CDH18: variants seen among roughly 807,000 people sequenced by gnomAD.
CDH18 encodes cadherin-18.
A neutral mutation model predicts 67.9 loss-of-function variants in CDH18; 31 were observed. The observed-to-expected ratio is 0.46, with a 90% CI of 0.34 to 0.62. The LOEUF (loss-of-function observed/expected upper bound fraction) is 0.62, where lower values mean the gene tolerates loss of function less well. Ranked by LOEUF, CDH18 falls within the 20% of genes least tolerant of loss-of-function variation. CDH18 has a pLI of 0.01. For missense variants in CDH18, 890 were observed against 975.5 expected, an observed-to-expected ratio of 0.91 and a Z score of 1.17; for synonymous variants, 362 against 347.2, an observed-to-expected ratio of 1.04 and a Z score of -0.48.
chr5:19,827,937 G>A (rs970570424), intron 3 of CDH18, among the ~76,000 whole-genome samples: 1 of 152,056 alleles, frequency 6.6e-6, no homozygotes, highest in African/African-American at 2.4e-5. Flanking sequence ...TCCAGAAGTT[G>A]GTTCTTTGAA....
intron 8 of CDH18, among the ~76,000 whole-genome samples, chr5:19,564,509 T>C (rs1175589807): frequency 6.6e-6 from 1 of 152,060 alleles, no homozygotes; most frequent in Non-Finnish European, 1.5e-5. Context: ...CCAGTCCTGG[T>C]GGAATTCATG....
intron 1 of CDH18, among the ~76,000 whole-genome samples, chr5:20,371,255 T>C (rs1033441983): frequency 1.3e-5 from 2 of 152,104 alleles, no homozygotes; most frequent in African/African-American, 4.8e-5. Context: ...TGTTCAGTGG[T>C]TAGAAGAATT....
intron 1 of CDH18, among the ~76,000 whole-genome samples, chr5:20,438,407 A>T (rs1479941118): frequency 6.6e-6 from 1 of 151,240 alleles, no homozygotes; most frequent in Non-Finnish European, 1.5e-5. Flanking sequence ...AGAGATTGCT[A>T]CCTAATATTC....
intron 2 of CDH18, among the ~76,000 whole-genome samples, chr5:20,101,413 GTGAGCTTATAAACCTTCCAA>G (rs1239132142): frequency 2.0e-5 from 3 of 152,124 alleles, no homozygotes; most frequent in African/African-American, 7.2e-5. Flanking sequence ...TATCTTTTTA[GTGAGCTTATAAACCTTCCAA>G]TGAGACACAG....
chr5:20,471,961 G>GTT (rs1752121192), intron 1 of CDH18, among the ~76,000 whole-genome samples: 2 of 22 alleles, frequency 0.091, no homozygotes, highest in Non-Finnish European at 0.12. Flanking sequence ...TGTCTAACTT[G>GTT]GCTTCTCTGC....
intron 2 of CDH18, among the ~76,000 whole-genome samples, chr5:19,874,020 A>G (rs1719423994): frequency 1.3e-5 from 2 of 152,210 alleles, no homozygotes; most frequent in South Asian, 2.1e-4. Context: ...ATGTTGCAAC[A>G]CATAATTTGT....
chr5:20,317,673 T>A (rs1018187183), intron 1 of CDH18, among the ~76,000 whole-genome samples: 1 of 152,302 alleles, frequency 6.6e-6, no homozygotes, highest in African/African-American at 2.4e-5. Flanking sequence ...CATAAGCTTT[T>A]ATGCATATAT....
intron 2 of CDH18, among the ~76,000 whole-genome samples, chr5:20,239,241 G>A (rs1742706134): frequency 6.6e-6 from 1 of 152,102 alleles, no homozygotes; most frequent in African/African-American, 2.4e-5. Flanking sequence ...GATTGCCTGA[G>A]CTCAGGAGTT....
intron 1 of CDH18, among the ~76,000 whole-genome samples, chr5:20,295,060 A>C (rs1474534523): frequency 6.6e-6 from 1 of 152,190 alleles, no homozygotes; most frequent in Non-Finnish European, 1.5e-5. Flanking sequence ...TAATAATTTA[A>C]ATGTCACAAT....
At chr5:19,818,509 CTAAT>C (rs1182145766) in intron 3 of CDH18, among the ~76,000 whole-genome samples, 1 of 152,108 alleles carries the variant, frequency 6.6e-6, no homozygotes, top group Non-Finnish European at 1.5e-5. Context: ...ATTATAGTGA[CTAAT>C]TATTATATAC....
intron 1 of CDH18, among the ~76,000 whole-genome samples, chr5:20,300,307 T>TGTGTGTGTGTGC (rs1747872931): frequency 2.3e-5 from 1 of 43,880 alleles, no homozygotes; most frequent in Non-Finnish European, 9.1e-5. Flanking sequence ...TGTGTGCGTG[T>TGTGTGTGTGTGC]GTGTGTGTGT....
chr5:20,133,648 C>A (rs1027035940), intron 2 of CDH18, among the ~76,000 whole-genome samples: 4 of 152,074 alleles, frequency 2.6e-5, no homozygotes, highest in African/African-American at 4.8e-5. Flanking sequence ...AGGTTTGCTG[C>A]AATTCTTACC....
At chr5:19,725,509 C>T (rs943148351) in intron 4 of CDH18, among the ~76,000 whole-genome samples, 7 of 152,262 alleles carry the variant, frequency 4.6e-5, no homozygotes, top group Non-Finnish European at 1.0e-4. Context: ...GTGGCTCACG[C>T]CTGTAATCCC....
chr5:19,839,345 A>C (rs1782019268), intron 2 of CDH18, 103 bp from the exon 3 acceptor site: 1 of 229,998 alleles, frequency 4.3e-6, no homozygotes, highest in Admixed American at 5.1e-5. Flanking sequence ...TGATAGGCAA[A>C]GAACATATGC....
At chr5:20,431,540 C>T (rs550934268) in intron 1 of CDH18, among the ~76,000 whole-genome samples, 38 of 144,872 alleles carry the variant, frequency 2.6e-4, no homozygotes, top group Non-Finnish European at 4.3e-4. Flanking sequence ...AAGAAAAGAA[C>T]CTCAGTCAAT....
At chr5:20,272,347 TA>T (rs1446551146) in intron 1 of CDH18, among the ~76,000 whole-genome samples, 1 of 152,040 alleles carries the variant, frequency 6.6e-6, no homozygotes, top group Non-Finnish European at 1.5e-5. Context: ...AATAAGAAAG[TA>T]AAAAGTAAGC....
intron 1 of CDH18, among the ~76,000 whole-genome samples, chr5:20,308,349 C>G (rs1561958579): frequency 6.6e-6 from 1 of 152,014 alleles, no homozygotes; most frequent in East Asian, 1.9e-4. Flanking sequence ...TCAAGACCAG[C>G]CTGGGCGACA....
At chr5:20,202,595 G>T (rs1739538842) in intron 2 of CDH18, among the ~76,000 whole-genome samples, 1 of 151,920 alleles carries the variant, frequency 6.6e-6, no homozygotes, top group Admixed American at 6.6e-5. Flanking sequence ...ATAACATGTT[G>T]CCCAAATGAA....
intron 2 of CDH18, among the ~76,000 whole-genome samples, chr5:19,964,836 G>A (rs1289598816): frequency 1.3e-5 from 2 of 152,034 alleles, no homozygotes; most frequent in Non-Finnish European, 2.9e-5. Flanking sequence ...AATGTTGGTA[G>A]TAGCAATAGA....
Sources: gnomAD v4.1 joint callset for allele counts (sites outside exome capture counted in the v4.1 genomes callset) on GRCh38, gnomAD v4.1.1 for gene constraint, MANE v1.5 for transcripts, NCBI Gene and HGNC (gene_info 2026-07-23, HGNC 2026-07-21) for gene names.